Variants in PDZRN4 observed in about 807,000 individuals in gnomAD.
The protein encoded by PDZRN4 is PDZ domain containing ring finger 4.
PDZRN4 carries 70 observed loss-of-function variants against 99.0 expected under a neutral mutation model. The ratio of observed to expected loss-of-function variants is 0.71; its 90% confidence interval spans 0.58 to 0.86. PDZRN4 has a LOEUF of 0.86. Among genes scored for constraint, PDZRN4 ranks in the 40% least tolerant of loss-of-function variants. The pLI is 0.00. For missense variants in PDZRN4, 1,474 were observed against 1,331.2 expected (o/e 1.11, Z -1.67); for synonymous variants, 551 against 501.6 (o/e 1.10, Z -1.32).
intron 3 of PDZRN4, among the ~76,000 whole-genome samples, chr12:41,308,381 C>A (rs1951585530): frequency 6.6e-6 from 1 of 152,092 alleles, no homozygotes; most frequent in Non-Finnish European, 1.5e-5. Context: ...GGTTGAGGAA[C>A]CTGAGATTTG....
chr12:41,229,349 A>T (rs907150896), intron 3 of PDZRN4, among the ~76,000 whole-genome samples: 1 of 151,962 alleles, frequency 6.6e-6, no homozygotes, highest in African/African-American at 2.4e-5. Context: ...AGGATTCTTA[A>T]AAAGTCTTAT....
chr12:41,366,490 A>C (rs1203304606), intron 3 of PDZRN4, among the ~76,000 whole-genome samples: 1 of 152,140 alleles, frequency 6.6e-6, no homozygotes, highest in Non-Finnish European at 1.5e-5. Flanking sequence ...TTTCCTGTAA[A>C]TATATTGTGT....
intron 3 of PDZRN4, chr12:41,477,738 A>C (rs1337398682): frequency 2.9e-6 from 2 of 698,466 alleles, no homozygotes; most frequent in Non-Finnish European, 2.6e-6. Context: ...TCCGCACAAA[A>C]CAGCCAAATA....
At chr12:41,198,978 A>G (rs183412666) in intron 3 of PDZRN4, among the ~76,000 whole-genome samples, 14 of 152,268 alleles carry the variant, frequency 9.2e-5, no homozygotes, top group African/African-American at 3.4e-4. Context: ...AATCTTTGGT[A>G]GTTGTCACGT....
intron 3 of PDZRN4, among the ~76,000 whole-genome samples, chr12:41,260,370 G>T (rs941154429): frequency 2.0e-5 from 3 of 152,060 alleles, no homozygotes; most frequent in Non-Finnish European, 4.4e-5. Flanking sequence ...GCCATCTTTT[G>T]TGGGTGGTCT....
At chr12:41,285,617 A>G (rs557122806) in intron 3 of PDZRN4, among the ~76,000 whole-genome samples, 11 of 152,318 alleles carry the variant, frequency 7.2e-5, no homozygotes, top group Non-Finnish European at 1.3e-4. Context: ...ATAACCATCA[A>G]CGTTAGACTG....
chr12:41,423,226 A>T (rs1356064548), intron 3 of PDZRN4, among the ~76,000 whole-genome samples: 8 of 152,026 alleles, frequency 5.3e-5, no homozygotes, highest in Admixed American at 5.2e-4. Flanking sequence ...TACACATGCC[A>T]TGGTGGTTTG....
chr12:41,221,490 G>T (rs1001792113), intron 3 of PDZRN4, among the ~76,000 whole-genome samples: 2 of 151,958 alleles, frequency 1.3e-5, no homozygotes, highest in Non-Finnish European at 2.9e-5. Context: ...TAAGGAAAAA[G>T]GTTGAAAAAC....
chr12:41,479,748 A>T (rs916297119), intron 3 of PDZRN4, among the ~76,000 whole-genome samples: 1 of 152,206 alleles, frequency 6.6e-6, no homozygotes, highest in Non-Finnish European at 1.5e-5. Context: ...TTTGTTCAAG[A>T]TATCAATAAC....
chr12:41,394,432 T>C lies in PDZRN4; in HGVS notation c.844-112024T>C, dbSNP rs527430534. ...AGCAGAATCTACAAAATATACCTTC[T>C]AATTACAGTGCATTAAGTTTCAATT... On this transcript the variant is annotated intron_variant, in intron 3 of 9. Coordinates refer to ENST00000402685, the MANE Select transcript of PDZRN4 (RefSeq NM_001164595.2). Among the ~76,000 whole-genome samples the C allele has an allele frequency of 1.1e-4, 16 of 152,316 alleles. No homozygotes were observed. In the East Asian group the frequency reaches 3.1e-3, roughly 29 times the overall value.
chr12:41,450,246 G>A (rs1258306851), intron 3 of PDZRN4, among the ~76,000 whole-genome samples: 1 of 151,990 alleles, frequency 6.6e-6, no homozygotes, highest in African/African-American at 2.4e-5. Flanking sequence ...CTAGGATATT[G>A]TTTGAACCAT....
chr12:41,188,951 G>A lies in PDZRN4; in HGVS notation c.496G>A (p.Ala166Thr), dbSNP rs1490059846. The A allele has an allele frequency of 4.2e-6, 6 of 1,443,364 alleles. No homozygotes were observed. The highest frequency in any genetic ancestry group is 4.7e-5 in the Admixed American group (2 of 42,272). 89.4% of individuals were successfully genotyped at this position (1,443,364 alleles called of 1,614,324 possible). Residue 166 changes from alanine to threonine, a missense_variant, in exon 1 of 10, where the codon GCC (alanine) becomes ACC (threonine). Coordinates refer to ENST00000402685, the MANE Select transcript of PDZRN4 (RefSeq NM_001164595.2). ...GCGGGGACCCGGGCCTCGGGTCCTC[G>A]CCTGGAGGCGGCGCGAGAAGGCGCT... ...RGRGPGPRVL[A>T]WRRREKALLA...
At chr12:41,395,161 G>A (rs537520079) in intron 3 of PDZRN4, among the ~76,000 whole-genome samples, 2 of 152,186 alleles carry the variant, frequency 1.3e-5, no homozygotes, top group South Asian at 2.1e-4. Flanking sequence ...TCAAGTCTAG[G>A]TGTGGATGAG....
Position 41,188,911 on chromosome 12 carries a change from C to T in PDZRN4, c.456C>T (p.Gly152=). The stretch of plus-strand genomic sequence containing the variant: ...GCGCGCGCGGGGGGCCGCCGGGCGG[C>T]CGCTGGGGCCGCGGGCGGGGACCCG... ...GGGARGGPPG[G]RWGRGRGPGP... The change falls in exon 1 of 10, where the codon GGC becomes GGT. Residue 152 remains glycine (G), a synonymous_variant. Transcript: ENST00000402685. The T allele has an allele frequency of 1.8e-6, 2 of 1,130,402 alleles. No individual in the cohort carries two copies. Among genetic ancestry groups the T allele is most frequent in the Non-Finnish European group, 2.2e-6 (2 of 924,648 alleles). 70.0% of individuals were successfully genotyped at this position (1,130,402 alleles called of 1,614,324 possible).
chr12:41,260,995 GA>G (rs1207995188), intron 3 of PDZRN4, among the ~76,000 whole-genome samples: 1 of 151,754 alleles, frequency 6.6e-6, no homozygotes, highest in Admixed American at 6.6e-5. Context: ...CTTTTAATTA[GA>G]AAAAAACATG....
At chr12:41,504,432 A>G (rs1304503386) in intron 3 of PDZRN4, among the ~76,000 whole-genome samples, 3 of 152,154 alleles carry the variant, frequency 2.0e-5, no homozygotes, top group Non-Finnish European at 4.4e-5. Flanking sequence ...AGCAATTTTT[A>G]CCTACTGCAT....
intron 3 of PDZRN4, among the ~76,000 whole-genome samples, chr12:41,256,203 G>A (rs902233987): frequency 6.6e-6 from 1 of 152,016 alleles, no homozygotes; most frequent in African/African-American, 2.4e-5. Flanking sequence ...CTAAGTAAAA[G>A]GGTCTGTAAA....
intron 3 of PDZRN4, among the ~76,000 whole-genome samples, chr12:41,333,127 T>C (rs1043220358): frequency 1.3e-5 from 2 of 152,210 alleles, no homozygotes; most frequent in Non-Finnish European, 1.5e-5. Context: ...TAAACCTTAA[T>C]TGGAAATTGA....
intron 3 of PDZRN4, among the ~76,000 whole-genome samples, chr12:41,203,268 T>C (rs1950828862): frequency 6.6e-6 from 1 of 151,814 alleles, no homozygotes; most frequent in African/African-American, 2.4e-5. Flanking sequence ...ACAGAATGAG[T>C]GATTGGCATA....
Sources: allele counts gnomAD v4.1 joint callset (sites outside exome capture counted in the v4.1 genomes callset), GRCh38; gene constraint gnomAD v4.1.1; transcripts MANE v1.5; gene names NCBI Gene and HGNC (gene_info 2026-07-23, HGNC 2026-07-21).